KAT14: variants seen among roughly 807,000 people sequenced by gnomAD.
KAT14 encodes lysine acetyltransferase 14.
A neutral mutation model predicts 78.4 loss-of-function variants in KAT14; 66 were observed. The ratio of observed to expected loss-of-function variants is 0.84; its 90% confidence interval spans 0.69 to 1.03. KAT14 has a LOEUF of 1.03. Ranked by LOEUF, KAT14 falls within the 50% of genes least tolerant of loss-of-function variation. The pLI is 0.00. For synonymous variants in KAT14, 344 were observed against 359.4 expected (o/e 0.96, Z 0.48); for missense variants, 870 against 972.5 (o/e 0.89, Z 1.40).
At chr20:18,140,269 T>C (rs983765838) in intron 1 of KAT14, among the ~76,000 whole-genome samples, 9 of 151,986 alleles carry the variant, frequency 5.9e-5, no homozygotes, top group Admixed American at 4.6e-4. Context: ...CCTCCGTTTT[T>C]GTCTCAGTGG....
In KAT14 at chr20:18,181,694, T is replaced by A. The variant is rs2039259799; in HGVS notation, c.1669-16T>A. The A allele has an allele frequency of 6.2e-7, 1 of 1,613,902 alleles. No homozygotes were observed. The highest frequency in any genetic ancestry group is 8.5e-7 in the Non-Finnish European group (1 of 1,179,944). The stretch of plus-strand genomic sequence containing the variant: ...TGAGTAATTATTTCTATATAACCAG[T>A]GTTTCTTTCTCATAGACTTCCTTGC... On this transcript the variant is annotated splice_polypyrimidine_tract_variant and intron_variant, in intron 7 of 10. Coordinates refer to ENST00000688188, the MANE Select transcript of KAT14 (RefSeq NM_001392073.1).
Position 18,142,351 on chromosome 20 carries a change from AT to A in KAT14, c.-309del. On this transcript the variant is annotated 5_prime_UTR_variant, in exon 2 of 11. It removes the in-frame stop codon of an upstream open reading frame in the 5' UTR. Transcript: ENST00000688188. ...TGTTATTGGCAAAAGGATCTCAAAA[AT>A]CATGACTTGAATGTGAAATATCTGT... The A allele has an allele frequency of 6.5e-7, 1 of 1,536,166 alleles. No homozygotes were observed. Among genetic ancestry groups the A allele is most frequent in the Non-Finnish European group, 8.7e-7 (1 of 1,146,136 alleles).
intron 7 of KAT14, among the ~76,000 whole-genome samples, chr20:18,175,039 GCTAC>G (rs145245036): frequency 0.016 from 2,461 of 151,956 alleles, 39 homozygotes; most frequent in Non-Finnish European, 0.024. Context: ...AGTGTTTTCA[GCTAC>G]CTTTGCTGGC....
chr20:18,149,598 A>T (rs2037962115), intron 3 of KAT14, among the ~76,000 whole-genome samples: 1 of 152,042 alleles, frequency 6.6e-6, no homozygotes, highest in Non-Finnish European at 1.5e-5. Flanking sequence ...ACTGCTGGGG[A>T]TTTAATGCTG....
chr20:18,176,311 A>AAG (rs2146501142), intron 7 of KAT14, among the ~76,000 whole-genome samples: 1 of 151,628 alleles, frequency 6.6e-6, no homozygotes, highest in East Asian at 1.9e-4. Flanking sequence ...AAAAAAAAAA[A>AAG]AAAAAAAAGT....
chr20:18,158,576 C>T (rs373158078), intron 4 of KAT14, among the ~76,000 whole-genome samples: 11 of 152,110 alleles, frequency 7.2e-5, no homozygotes, highest in Non-Finnish European at 5.9e-5. Context: ...TCTAGTGCAT[C>T]GAGGCAGATA....
chr20:18,164,663 T>C (rs1205198), intron 7 of KAT14, among the ~76,000 whole-genome samples: 57,671 of 148,428 alleles, frequency 0.39, 11,869 homozygotes, highest in East Asian at 0.65. Flanking sequence ...GTCACGCAGG[T>C]TGGAATGTAG....
chr20:18,152,044 C>T (rs2038068037), intron 4 of KAT14, among the ~76,000 whole-genome samples: 1 of 151,088 alleles, frequency 6.6e-6, no homozygotes, highest in Non-Finnish European at 1.5e-5. Flanking sequence ...CTGAACATGA[C>T]GTTTTTTGAA....
chr20:18,166,183 A>G (rs1218752741), intron 7 of KAT14, among the ~76,000 whole-genome samples: 1 of 152,196 alleles, frequency 6.6e-6, no homozygotes, highest in East Asian at 1.9e-4. Context: ...CAAAGGTGAG[A>G]GCACACTTGA....
At chr20:18,177,627 A>G (rs1359249879) in intron 7 of KAT14, among the ~76,000 whole-genome samples, 1 of 152,234 alleles carries the variant, frequency 6.6e-6, no homozygotes, top group Non-Finnish European at 1.5e-5. Flanking sequence ...AAGGTATGAA[A>G]GCAAATTATA....
chr20:18,165,016 A>C (rs1390674481), intron 7 of KAT14, among the ~76,000 whole-genome samples: 1 of 152,156 alleles, frequency 6.6e-6, no homozygotes, highest in Non-Finnish European at 1.5e-5. Flanking sequence ...ATACAGATAG[A>C]AGGCAGCATA....
intron 7 of KAT14, among the ~76,000 whole-genome samples, chr20:18,164,709 C>G (rs1178153781): frequency 2.0e-5 from 3 of 151,444 alleles, no homozygotes; most frequent in Non-Finnish European, 4.4e-5. Flanking sequence ...CCCGAACTCT[C>G]AGGCTCAAGC....
In KAT14 at chr20:18,150,908, AT is replaced by A. The variant is rs769756775; in HGVS notation, c.468del (p.Ile156MetfsTer9). 1.9e-6 allele frequency: 3 copies of A among 1,614,180 alleles called. No homozygotes were observed. Among genetic ancestry groups the A allele is most frequent in the Non-Finnish European group, 2.5e-6 (3 of 1,180,024 alleles). ...GTGGAAAGAAGATATCTGTGCTTTTATTGAGAAACATTGGACTTTTTTACTA... is the reference window on the plus strand; with the variant it reads ...GTGGAAAGAAGATATCTGTGCTTTTATGAGAAACATTGGACTTTTTTACTA... ...FRWKEDICAF[I>X]EKHWTFLLGN... On this transcript the variant is annotated frameshift_variant, in exon 4 of 11. Coordinates refer to ENST00000688188, the MANE Select transcript of KAT14 (RefSeq NM_001392073.1). LOFTEE classifies it high-confidence loss of function.
chr20:18,176,379 C>G (rs1349712425), intron 7 of KAT14, among the ~76,000 whole-genome samples: 1 of 151,732 alleles, frequency 6.6e-6, no homozygotes, highest in African/African-American at 2.4e-5. Flanking sequence ...AGGTCCCTGT[C>G]CTTAGGCAGG....
chr20:18,183,097 T>C, intron 8 of KAT14, 26 bp from the exon 9 acceptor site: 4 of 1,581,450 alleles, frequency 2.5e-6, no homozygotes, highest in Non-Finnish European at 3.4e-6. Context: ...TTGACTTGAA[T>C]TTGTTTATCT....
chr20:18,181,609 T>G, intron 7 of KAT14, 101 bp from the exon 8 acceptor site: 1 of 1,525,638 alleles, frequency 6.6e-7, no homozygotes, highest in South Asian at 1.2e-5. Flanking sequence ...GACCTTGTGA[T>G]CCGCCTACCT....
chr20:18,164,392 G>A (rs1220681580), intron 7 of KAT14, among the ~76,000 whole-genome samples: 1 of 151,948 alleles, frequency 6.6e-6, no homozygotes. Context: ...TACTATAGGG[G>A]TATAATTGGA....
At chr20:18,171,135 G>C (rs1275219106) in intron 7 of KAT14, among the ~76,000 whole-genome samples, 1 of 152,142 alleles carries the variant, frequency 6.6e-6, no homozygotes, top group Non-Finnish European at 1.5e-5. Context: ...TGATTCATGG[G>C]AGGAATCAAA....
chr20:18,161,771 C>T, intron 5 of KAT14, 52 bp from the exon 6 acceptor site: 4 of 1,557,620 alleles, frequency 2.6e-6, no homozygotes, highest in Non-Finnish European at 3.5e-6. Context: ...ATGCTTGTGC[C>T]CAAGCATTTC....
Sources: gnomAD v4.1 joint callset for allele counts (sites outside exome capture counted in the v4.1 genomes callset) on GRCh38, gnomAD v4.1.1 for gene constraint, MANE v1.5 for transcripts, NCBI Gene and HGNC (gene_info 2026-07-23, HGNC 2026-07-21) for gene names.